KBTBD12: variants seen among roughly 807,000 people sequenced by gnomAD.
KBTBD12 encodes kelch repeat and BTB domain-containing protein 12.
A neutral mutation model predicts 58.7 loss-of-function variants in KBTBD12; 53 were observed. The ratio of observed to expected loss-of-function variants is 0.90; its 90% confidence interval spans 0.72 to 1.14. The LOEUF is 1.14. Among genes scored for constraint, KBTBD12 ranks in the 50% most tolerant of loss-of-function variants. KBTBD12 has a pLI of 0.00. For synonymous variants in KBTBD12, 236 were observed against 259.8 expected (o/e 0.91, Z 0.88); for missense variants, 704 against 751.3 (o/e 0.94, Z 0.74).
At position 127,984,551 on chromosome 3, in the gene KBTBD12, C is replaced by G. The variant is rs905155345; in HGVS notation, c.*273C>G. 1.2e-5 allele frequency: 4 copies of G among 323,394 alleles called. No individual in the cohort carries two copies. The highest frequency in any genetic ancestry group is 2.3e-5 in the Non-Finnish European group (4 of 173,170). 20.0% of individuals were successfully genotyped at this position (323,394 alleles called of 1,614,324 possible). On this transcript the variant is annotated 3_prime_UTR_variant, in exon 6 of 6. Transcript: ENST00000405109. ...CACAGGAGAGCAGCAGAGGGAGGGT[C>G]TCACTCTGCTGGGGACCCATGAACA...
chr3:127,945,544 T>TAC (rs753611569), intron 4 of KBTBD12, among the ~76,000 whole-genome samples: 34 of 152,110 alleles, frequency 2.2e-4, no homozygotes, highest in South Asian at 8.3e-4. Flanking sequence ...CCATAATGGC[T>TAC]AGTGATGATG....
intron 5 of KBTBD12, among the ~76,000 whole-genome samples, chr3:127,972,943 TC>T (rs1213825742): frequency 6.6e-6 from 1 of 152,156 alleles, no homozygotes; most frequent in Non-Finnish European, 1.5e-5. Context: ...GCTAAAAGCA[TC>T]GGTTGAAAGG....
chr3:127,969,189 T>C (rs1940639971), intron 5 of KBTBD12, among the ~76,000 whole-genome samples: 1 of 152,174 alleles, frequency 6.6e-6, no homozygotes, highest in South Asian at 2.1e-4. Context: ...TAAGGAATTA[T>C]TTTAAAAAGC....
At chr3:127,945,247 T>C (rs1311191332) in intron 4 of KBTBD12, among the ~76,000 whole-genome samples, 1 of 131,142 alleles carries the variant, frequency 7.6e-6, no homozygotes, top group Admixed American at 9.0e-5. Flanking sequence ...TGCAGTGGCA[T>C]GATCTCGGCT....
At chr3:127,945,606 T>A (rs947906188) in intron 4 of KBTBD12, among the ~76,000 whole-genome samples, 3 of 152,134 alleles carry the variant, frequency 2.0e-5, no homozygotes, top group Admixed American at 6.5e-5. Flanking sequence ...GAGAAAGGTC[T>A]GTTTAAGTCT....
At chr3:127,961,216 G>A (rs755993852) in intron 4 of KBTBD12, among the ~76,000 whole-genome samples, 27 of 152,040 alleles carry the variant, frequency 1.8e-4, no homozygotes, top group Admixed American at 3.9e-4. Flanking sequence ...AGTCCTTCTT[G>A]CCCTACAAAT....
At chr3:127,973,351 G>C (rs1489354455) in intron 5 of KBTBD12, among the ~76,000 whole-genome samples, 1 of 152,142 alleles carries the variant, frequency 6.6e-6, no homozygotes, top group Non-Finnish European at 1.5e-5. Flanking sequence ...CAAGATGGGG[G>C]CCTTCCTAAA....
Position 127,930,120 on chromosome 3 carries a change from A to G in KBTBD12, c.1342-13A>G. The G allele has an allele frequency of 6.4e-7, 1 of 1,567,884 alleles. No individual in the cohort carries two copies. The highest frequency in any genetic ancestry group is 1.2e-5 in the South Asian group (1 of 85,640). On this transcript the variant is annotated splice_polypyrimidine_tract_variant and intron_variant, in intron 3 of 5. Coordinates refer to ENST00000405109, the MANE Select transcript of KBTBD12 (RefSeq NM_207335.4). ...ATGATATGTTATTATATTGGCTGTC[A>G]TATTTCATACAGATGGATCTTCCTG...
intron 4 of KBTBD12, among the ~76,000 whole-genome samples, chr3:127,940,917 T>C (rs909851483): frequency 8.5e-5 from 13 of 152,128 alleles, no homozygotes; most frequent in Admixed American, 2.6e-4. Flanking sequence ...AGGGCAGTGC[T>C]ACAAACAACT....
intron 4 of KBTBD12, among the ~76,000 whole-genome samples, chr3:127,940,990 TAA>T (rs1192742804): frequency 6.6e-6 from 1 of 152,120 alleles, no homozygotes; most frequent in African/African-American, 2.4e-5. Flanking sequence ...CACAAACTAC[TAA>T]AAGCCACCTA....
intron 3 of KBTBD12, among the ~76,000 whole-genome samples, chr3:127,929,928 G>A (rs1939662872): frequency 6.6e-6 from 1 of 151,538 alleles, no homozygotes; most frequent in Admixed American, 6.6e-5. Flanking sequence ...TGCACCTTTG[G>A]CCCATTATTT....
Position 127,924,070 on chromosome 3 carries a change from G to A in KBTBD12, c.1009G>A (p.Ala337Thr), listed in dbSNP as rs769061884. ...CATGGAAAATAATACTATAATTGTGGCTGGAGAAGCAAGTGCCTCTAAACT... is the reference window on the plus strand; with the variant it reads ...CATGGAAAATAATACTATAATTGTGACTGGAGAAGCAAGTGCCTCTAAACT... ...VVMENNTIIV[A>T]GEASASKLSR... is the part of the protein sequence containing the mutation. The change falls in exon 2 of 6, where the codon GCT becomes ACT. Residue 337 changes from alanine to threonine, a missense_variant. Coordinates refer to ENST00000405109, the MANE Select transcript of KBTBD12 (RefSeq NM_207335.4). The A allele has an allele frequency of 3.1e-6, 5 of 1,613,518 alleles. No individual in the cohort carries two copies. In the Admixed American group the frequency reaches 5.0e-5, roughly 16 times the overall value.
At chr3:127,952,003 A>G (rs1259577659) in intron 4 of KBTBD12, among the ~76,000 whole-genome samples, 1 of 152,230 alleles carries the variant, frequency 6.6e-6, no homozygotes, top group Non-Finnish European at 1.5e-5. Context: ...ACATTTTCCC[A>G]AGAATTCATG....
chr3:127,921,039 G>A (rs1202076623), intron 1 of KBTBD12, among the ~76,000 whole-genome samples: 2 of 151,962 alleles, frequency 1.3e-5, no homozygotes, highest in Non-Finnish European at 2.9e-5. Flanking sequence ...ACAGTGGTTT[G>A]TATATGTACC....
intron 4 of KBTBD12, among the ~76,000 whole-genome samples, chr3:127,937,971 T>C (rs1014943960): frequency 6.6e-6 from 1 of 152,074 alleles, no homozygotes; most frequent in Non-Finnish European, 1.5e-5. Flanking sequence ...CTTTCAAGAA[T>C]ACGGATGAAA....
intron 4 of KBTBD12, among the ~76,000 whole-genome samples, chr3:127,931,417 A>C (rs975625747): frequency 2.0e-5 from 3 of 152,132 alleles, no homozygotes; most frequent in Non-Finnish European, 4.4e-5. Flanking sequence ...TGTTATAACC[A>C]TATACTATGT....
rs907562941 is a variant in KBTBD12 at position 127,923,233 on chromosome 3, G to A, written c.172G>A (p.Ala58Thr). The A allele has an allele frequency of 6.2e-7, 1 of 1,613,700 alleles. No homozygotes were observed. Among genetic ancestry groups the A allele is most frequent in the Admixed American group, 1.7e-5 (1 of 59,988 alleles). The change falls in exon 2 of 6, where the codon GCT (alanine) becomes ACT (threonine). Residue 58 changes from alanine (A) to threonine (T), a missense_variant. Ala to Thr is a moderately conservative substitution (Grantham distance 58). Coordinates refer to ENST00000405109, the MANE Select transcript of KBTBD12 (RefSeq NM_207335.4). ...GGCTGCATTTAGCCCTTATTTCAAAGCTATGTTCACCTGTGGACTACTTGA... is the reference window on the plus strand; with the variant it reads ...GGCTGCATTTAGCCCTTATTTCAAAACTATGTTCACCTGTGGACTACTTGA... ...VLAAFSPYFKAMFTCGLLECN... is the reference protein window; with the variant it reads ...VLAAFSPYFKTMFTCGLLECN...
chr3:127,940,169 A>G (rs1022358206), intron 4 of KBTBD12, among the ~76,000 whole-genome samples: 2 of 152,170 alleles, frequency 1.3e-5, no homozygotes, highest in African/African-American at 4.8e-5. Flanking sequence ...TTGAAGATTT[A>G]ACACTCCTCT....
chr3:127,924,510 AT>A (rs1939518384), intron 2 of KBTBD12, among the ~76,000 whole-genome samples: 2 of 151,714 alleles, frequency 1.3e-5, no homozygotes, highest in Non-Finnish European at 2.9e-5. Flanking sequence ...TTATGATCCC[AT>A]TTTAGTTTTC....
Sources: gnomAD v4.1 joint callset for allele counts (sites outside exome capture counted in the v4.1 genomes callset) on GRCh38, gnomAD v4.1.1 for gene constraint, MANE v1.5 for transcripts, NCBI Gene and HGNC (gene_info 2026-07-23, HGNC 2026-07-21) for gene names.